The following ADCY8 variants were observed in gnomAD, a reference collection of about 807,000 sequenced individuals.
ADCY8 encodes adenylate cyclase type 8.
ADCY8 carries 51 observed loss-of-function variants against 119.7 expected under a neutral mutation model. The observed-to-expected ratio is 0.43, with a 90% CI of 0.34 to 0.54. The LOEUF is 0.54. ADCY8 is among the 20% of genes least tolerant of loss of function. The pLI is 0.03. For missense variants in ADCY8, 1,383 were observed against 1,598.8 expected (o/e 0.87, Z 2.30); for synonymous variants, 665 against 651.0 (o/e 1.02, Z -0.33).
intron 9 of ADCY8, among the ~76,000 whole-genome samples, chr8:130,852,654 C>T (rs921869049): frequency 6.6e-6 from 1 of 152,160 alleles, no homozygotes; most frequent in Non-Finnish European, 1.5e-5. Context: ...CAAATTCTTA[C>T]ATGGCCACCA....
In ADCY8 at chr8:131,026,718, C is replaced by A. The variant is rs114791068; in HGVS notation, c.960+12656G>T. On this transcript the variant is annotated intron_variant, in intron 1 of 17. Transcript: ENST00000286355. ...GGTCTAAAAGATGCAGGGGTTAAGCCAGGTGAAGCCCAGAAACTGTCAGCT... is the reference window on the plus strand; with the variant it reads ...GGTCTAAAAGATGCAGGGGTTAAGCAAGGTGAAGCCCAGAAACTGTCAGCT... 2.8e-3 allele frequency among the ~76,000 whole-genome samples: 431 copies of A among 152,254 alleles called. 1 individual carries two copies. The highest frequency in any genetic ancestry group is 9.8e-3 in the African/African-American group (409 of 41,558).
intron 4 of ADCY8, among the ~76,000 whole-genome samples, chr8:130,942,491 C>T (rs1277945880): frequency 6.6e-6 from 1 of 152,204 alleles, no homozygotes; most frequent in Non-Finnish European, 1.5e-5. Context: ...TCATCATTCT[C>T]ATATTCCTAA....
At chr8:130,815,037 T>A (rs1461191991) in intron 13 of ADCY8, among the ~76,000 whole-genome samples, 1 of 152,146 alleles carries the variant, frequency 6.6e-6, no homozygotes, top group Non-Finnish European at 1.5e-5. Context: ...GTTGATGAGG[T>A]CATGCTGGTG....
intron 17 of ADCY8, among the ~76,000 whole-genome samples, chr8:130,782,243 A>G (rs183327999): frequency 2.6e-5 from 4 of 152,304 alleles, no homozygotes; most frequent in East Asian, 3.9e-4. Flanking sequence ...ATCTCACTCT[A>G]TGGAGTACAT....
chr8:130,787,616 ATGTG>A (rs1318851747), intron 15 of ADCY8, among the ~76,000 whole-genome samples: 6 of 152,092 alleles, frequency 3.9e-5, no homozygotes, highest in East Asian at 3.9e-4. Context: ...ATGTGTAGTG[ATGTG>A]TGTATGTCTA....
chr8:131,007,291 A>T (rs1823150502), intron 1 of ADCY8, among the ~76,000 whole-genome samples: 1 of 152,034 alleles, frequency 6.6e-6, no homozygotes, highest in South Asian at 2.1e-4. Flanking sequence ...GATCTCCCAG[A>T]CTCCCAGCAC....
intron 9 of ADCY8, among the ~76,000 whole-genome samples, chr8:130,857,103 A>AG (rs1461671743): frequency 1.3e-5 from 1 of 76,622 alleles, no homozygotes; most frequent in African/African-American, 4.9e-5. Flanking sequence ...GGGGTGGGGG[A>AG]GGGGGGAGGG....
chr8:130,974,201 C>T (rs7459621), intron 2 of ADCY8, among the ~76,000 whole-genome samples: 2,300 of 152,310 alleles, frequency 0.015, 61 homozygotes, highest in African/African-American at 0.052. Context: ...AGAATGGCAG[C>T]CTTTGCTGGC....
In ADCY8 at chr8:130,992,410, T is replaced by TG. The variant is rs1563759090; in HGVS notation, c.961-1869_961-1868insC. ...ATATATATATATATATATATATATA[T>TG]ATATATATATATATATATATTTGAG... On this transcript the variant is annotated intron_variant, in intron 1 of 17. Coordinates refer to ENST00000286355, the MANE Select transcript of ADCY8 (RefSeq NM_001115.3). Among the ~76,000 whole-genome samples, 152 of 32,350 alleles carry TG rather than the reference T, an allele frequency of 4.7e-3. 11 individuals are homozygous for TG. Among genetic ancestry groups the TG allele is most frequent in the African/African-American group, 8.1e-3 (67 of 8,296 alleles). The allele number at this position is 32,350 out of a possible 152,430, so 21.2% of individuals were successfully genotyped here.
At position 130,849,699 on chromosome 8, in the gene ADCY8, C is replaced by T. The variant is rs147278965; in HGVS notation, c.2315G>A (p.Arg772Gln). The T allele has an allele frequency of 3.1e-5, 50 of 1,613,846 alleles. No homozygotes were observed. Among genetic ancestry groups the T allele is most frequent in the Non-Finnish European group, 3.3e-5 (39 of 1,179,936 alleles). ...CTCATTAATCCAACAGCAAGTTTTC[C>T]GGAGGATGAGGGGCAAACATTTATA... ...EDYKCLPLIL[R>Q]KTCCWINETY... The change falls in exon 10 of 18, where the codon CGG (arginine) becomes CAG (glutamine). Residue 772 changes from arginine (R) to glutamine (Q), a missense_variant. Around this residue, in one of 2 missense-constraint regions of ADCY8, gnomAD observed 928 missense variants for 1,163.5 expected, o/e 0.80. Transcript: ENST00000286355.
intron 14 of ADCY8, among the ~76,000 whole-genome samples, chr8:130,810,347 T>TAC (rs58781726): frequency 0.13 from 18,591 of 142,502 alleles, 1,264 homozygotes; most frequent in African/African-American, 0.17. Context: ...TCTCTTTTTC[T>TAC]ACACACACAC....
At chr8:130,979,757 A>G (rs1355172225) in intron 2 of ADCY8, among the ~76,000 whole-genome samples, 6 of 152,210 alleles carry the variant, frequency 3.9e-5, no homozygotes, top group South Asian at 4.1e-4. Context: ...GGATTGAATG[A>G]AGTAATCTAT....
chr8:130,786,814 A>T (rs1815262331), intron 15 of ADCY8, among the ~76,000 whole-genome samples: 1 of 152,152 alleles, frequency 6.6e-6, no homozygotes. Flanking sequence ...AATCTGAAGG[A>T]TCTAGGAAGG....
chr8:130,937,227 G>T, intron 4 of ADCY8, 27 bp from the exon 5 acceptor site: 1 of 1,606,134 alleles, frequency 6.2e-7, no homozygotes. Context: ...AAGAGGGAAA[G>T]GTCTATGTCA....
In ADCY8 at chr8:130,792,616, C is replaced by T. The variant is rs192928526; in HGVS notation, c.3061-7141G>A. Among the ~76,000 whole-genome samples, 73 of 152,332 alleles carry T rather than the reference C, an allele frequency of 4.8e-4. 1 individual carries two copies. Among genetic ancestry groups the T allele is most frequent in the Admixed American group, 1.4e-3 (21 of 15,302 alleles). Reference sequence around the variant, plus strand: ...ATATAACCCACATCTAATCTATCAGCAGATCCTTAGCCCTATCTTTAAAGA... The same window carrying T: ...ATATAACCCACATCTAATCTATCAGTAGATCCTTAGCCCTATCTTTAAAGA... On this transcript the variant is annotated intron_variant, in intron 15 of 17. Transcript: ENST00000286355.
At chr8:130,856,774 C>T (rs1817751123) in intron 9 of ADCY8, among the ~76,000 whole-genome samples, 1 of 151,890 alleles carries the variant, frequency 6.6e-6, no homozygotes, top group Non-Finnish European at 1.5e-5. Context: ...ATGTCTTAGT[C>T]TCATTCCACC....
chr8:131,013,401 G>T (rs1055231592), intron 1 of ADCY8, among the ~76,000 whole-genome samples: 1 of 152,130 alleles, frequency 6.6e-6, no homozygotes, highest in Non-Finnish European at 1.5e-5. Flanking sequence ...GTCACTTTAT[G>T]ACCAAGCTTA....
At chr8:131,024,419 A>G (rs768190932) in intron 1 of ADCY8, among the ~76,000 whole-genome samples, 1 of 152,178 alleles carries the variant, frequency 6.6e-6, no homozygotes, top group Admixed American at 6.5e-5. Context: ...CTATAGCAGG[A>G]TTAAGTGAGT....
chr8:130,965,355 G>A (rs866868687), intron 2 of ADCY8, among the ~76,000 whole-genome samples: 4 of 152,144 alleles, frequency 2.6e-5, no homozygotes, highest in Admixed American at 6.5e-5. Flanking sequence ...AGGGGGAAAC[G>A]TGTGAAAAAC....
Sources: gnomAD v4.1 joint callset for allele counts (sites outside exome capture counted in the v4.1 genomes callset) on GRCh38, gnomAD v4.1.1 for gene constraint, gnomAD v4.1.1 regional missense constraint, MANE v1.5 for transcripts, NCBI Gene and HGNC (gene_info 2026-07-23, HGNC 2026-07-21) for gene names.